The following PARP10 variants were observed in gnomAD, a reference collection of about 807,000 sequenced individuals.
The protein encoded by PARP10 is poly(ADP-ribose) polymerase family member 10, also known as protein mono-ADP-ribosyltransferase PARP10.
A neutral mutation model predicts 82.4 loss-of-function variants in PARP10; 56 were observed. That is an observed-to-expected ratio of 0.68 (90% CI 0.55 to 0.85). The LOEUF is 0.85. Ranked by LOEUF, PARP10 falls within the 40% of genes least tolerant of loss-of-function variation. The pLI, the probability that PARP10 is intolerant of heterozygous loss-of-function variation, is 0.00. For synonymous variants in PARP10, 576 were observed against 601.1 expected, an observed-to-expected ratio of 0.96 and a Z score of 0.61; for missense variants, 1,227 against 1,379.4, an observed-to-expected ratio of 0.89 and a Z score of 1.75.
In PARP10 at chr8:143,983,608, G is replaced by C; in HGVS notation, c.1981C>G (p.His661Asp). The C allele has an allele frequency of 6.2e-7, 1 of 1,604,598 alleles. No individual in the cohort carries two copies. Among genetic ancestry groups the C allele is most frequent in the Non-Finnish European group, 8.5e-7 (1 of 1,175,536 alleles). ...TGACCTTGAGGCTCCAGTGACCGGT[G>C]GAGGGCCAGCTGCAGAGCGGCCTCC... ...EEEAALQLAL[H>D]RSLEPQGQVA... is the part of the protein sequence containing the mutation. The change falls in exon 8 of 11, where the codon CAC (histidine) becomes GAC (aspartate). Residue 661 changes from histidine (H) to aspartate (D), a missense_variant. Coordinates refer to ENST00000313028, the MANE Select transcript of PARP10 (RefSeq NM_032789.5).
intron 1 of PARP10, among the ~76,000 whole-genome samples, chr8:143,998,929 G>A (rs2133074351): frequency 6.7e-6 from 1 of 148,800 alleles, no homozygotes. Context: ...TAGCCTGGGT[G>A]ACAGAGTGAG....
intron 1 of PARP10, among the ~76,000 whole-genome samples, chr8:144,000,088 C>T (rs559380255): frequency 6.6e-6 from 1 of 152,310 alleles, no homozygotes; most frequent in South Asian, 2.1e-4. Flanking sequence ...ATGCTCATCT[C>T]ATAAAACTCC....
At chr8:144,003,932 G>A (rs1300044136) in intron 1 of PARP10, among the ~76,000 whole-genome samples, 3 of 152,122 alleles carry the variant, frequency 2.0e-5, no homozygotes, top group Admixed American at 1.3e-4. Flanking sequence ...CTACTCAGGA[G>A]GCTGAGGCAG....
At chr8:143,999,584 T>C (rs914282654) in intron 1 of PARP10, among the ~76,000 whole-genome samples, 6 of 152,048 alleles carry the variant, frequency 3.9e-5, no homozygotes, top group Admixed American at 3.3e-4. Flanking sequence ...AGTCCTGGCC[T>C]CAAGCAATCC....
At chr8:143,989,121 T>C (rs1554750076), upstream of PARP10, among the ~76,000 whole-genome samples, 1 of 152,180 alleles carries the variant, frequency 6.6e-6, no homozygotes, top group Non-Finnish European at 1.5e-5. This position sits in a 1 kb window ranked among gnomAD's most constrained non-coding sequence, Gnocchi z 4.3. Context: ...CAGCGCACCA[T>C]AGGTGCAGGA....
intron 1 of PARP10, among the ~76,000 whole-genome samples, chr8:144,004,093 G>A (rs542738019): frequency 1.5e-3 from 223 of 152,108 alleles, no homozygotes; most frequent in African/African-American, 4.7e-3. Context: ...CAGGAGGATC[G>A]CTTGAGGCCA....
At chr8:144,001,165 C>T (rs1197410640) in intron 1 of PARP10, among the ~76,000 whole-genome samples, 9 of 151,812 alleles carry the variant, frequency 5.9e-5, no homozygotes, top group Non-Finnish European at 1.0e-4. Flanking sequence ...CTGCCCGCCT[C>T]AGCCTCCCAA....
At chr8:144,000,311 G>GAC (rs149828817) in intron 1 of PARP10, among the ~76,000 whole-genome samples, 5 of 151,986 alleles carry the variant, frequency 3.3e-5, no homozygotes, top group African/African-American at 1.2e-4. Flanking sequence ...TTTGACCACA[G>GAC]ACACACACAC....
chr8:144,001,886 G>A (rs1276082022), intron 1 of PARP10, among the ~76,000 whole-genome samples: 7 of 151,498 alleles, frequency 4.6e-5, no homozygotes, highest in Non-Finnish European at 8.8e-5. Flanking sequence ...GTGTGTGTGT[G>A]TGTGTGTGTG....
upstream of PARP10, chr8:143,992,676 G>A: frequency 1.9e-6 from 3 of 1,613,944 alleles, no homozygotes; most frequent in Non-Finnish European, 2.5e-6. Flanking sequence ...CAACACCACT[G>A]TGCTGTCACC....
chr8:143,980,595 G>A (rs1219687226), intron 9 of PARP10, among the ~76,000 whole-genome samples: 6 of 151,444 alleles, frequency 4.0e-5, no homozygotes, highest in East Asian at 1.9e-4. Context: ...TCACATATAC[G>A]TAAATTTAAA....
chr8:143,983,832 T>C lies in PARP10; in HGVS notation c.1778-21A>G, dbSNP rs372917263. 3.1e-4 allele frequency: 486 copies of C among 1,556,020 alleles called. 2 individuals are homozygous for C. Among genetic ancestry groups the C allele is most frequent in the Non-Finnish European group, 1.4e-4 (161 of 1,150,268 alleles). ...CTCCTCTGGGGGCAGGGAGAGGCCA[T>C]TGGGTCAGGGGCTGGACCCAGGAGG... is the stretch of plus-strand genomic sequence containing the variant. On this transcript the variant is annotated intron_variant, in intron 7 of 10. Transcript: ENST00000313028.
intron 1 of PARP10, among the ~76,000 whole-genome samples, chr8:144,004,629 G>T (rs1174252203): frequency 1.3e-5 from 2 of 152,222 alleles, no homozygotes; most frequent in Admixed American, 6.5e-5. Context: ...TGTTCACAGA[G>T]ATTCCTGATG....
At chr8:143,980,318 T>TAAAAAAATAAAAAA (rs1564247548) in intron 9 of PARP10, among the ~76,000 whole-genome samples, 1 of 15,666 alleles carries the variant, frequency 6.4e-5, no homozygotes, top group African/African-American at 1.4e-4. Flanking sequence ...AGATTCCGTC[T>TAAAAAAATAAAAAA]CAAAAAAAAA....
In PARP10 at chr8:143,984,835, C is replaced by A. The variant is rs782291158; in HGVS notation, c.1167G>T (p.Glu389Asp). ...CCTGCCCCAGCAACCCCTTAGAGGT[C>A]TCCACTGGGCCTGCAGACCCCACAG... ...LGPVGSAGPV[E>D]TSKGLLGQEG... The change falls in exon 5 of 11, where the codon GAG (glutamate) becomes GAT (aspartate). Residue 389 changes from glutamate to aspartate, a missense_variant. Physicochemically the swap from Glu to Asp is conservative, Grantham distance 45. Transcript: ENST00000313028. The A allele has an allele frequency of 1.9e-6, 3 of 1,612,504 alleles. No homozygotes were observed. The highest frequency in any genetic ancestry group is 2.2e-5 in the East Asian group (1 of 44,840).
Position 143,984,920 on chromosome 8 carries a change from C to G in PARP10, c.1082G>C (p.Gly361Ala). Residue 361 changes from glycine to alanine, a missense_variant, in exon 5 of 11, where the codon GGG becomes GCG. Transcript: ENST00000313028. ...SMPMGSLEHE[G>A]LVSLRPVGLQ... ...CCCCACAGGCCTCAGGCTTACCAGC[C>G]CCTCATGTTCCAGAGACCCCATGGG... is the stretch of plus-strand genomic sequence containing the variant. The G allele has an allele frequency of 1.3e-5, 21 of 1,614,040 alleles. No homozygotes were observed. The highest frequency in any genetic ancestry group is 1.8e-5 in the Non-Finnish European group (21 of 1,180,022).
At position 143,983,638 on chromosome 8, in the gene PARP10, C is replaced by CCTA. The variant is rs1554748333; in HGVS notation, c.1950_1951insTAG (p.Leu650_Glu651insTer). Reference sequence around the variant, plus strand: ...GCCAGCTGCAGAGCGGCCTCCTCCTCCAGCCACCTGGGTGCCACAGTGCTG... The same window carrying CCTA: ...GCCAGCTGCAGAGCGGCCTCCTCCTCCTACAGCCACCTGGGTGCCACAGTGCTG... On this transcript the variant is annotated stop_gained and inframe_insertion, in exon 8 of 11. Coordinates refer to ENST00000313028, the MANE Select transcript of PARP10 (RefSeq NM_032789.5). LOFTEE classifies it high-confidence loss of function. The CCTA allele has an allele frequency of 6.2e-7, 1 of 1,606,398 alleles. No individual in the cohort carries two copies. Among genetic ancestry groups the CCTA allele is most frequent in the East Asian group, 2.2e-5 (1 of 44,640 alleles).
In PARP10 at chr8:143,984,218, G is replaced by A. The variant is rs527817411; in HGVS notation, c.1672C>T (p.Leu558Phe). The A allele has an allele frequency of 5.1e-5, 82 of 1,613,380 alleles. No homozygotes were observed. Among genetic ancestry groups the A allele is most frequent in the Non-Finnish European group, 6.9e-5 (81 of 1,179,584 alleles). ...TGGGACTCCATCTCTACCTCTTCAA[G>A]GCCTGTGTCCAACGTGGCTGTGGCC... is the stretch of plus-strand genomic sequence containing the variant. ...RLATATLDTG[L>F]EEVDPTEALP... Residue 558 changes from leucine to phenylalanine, a missense_variant, in exon 6 of 11, where the codon CTT (leucine) becomes TTT (phenylalanine). Leu to Phe is a conservative substitution (Grantham distance 22). Coordinates refer to ENST00000313028, the MANE Select transcript of PARP10 (RefSeq NM_032789.5).
intron 9 of PARP10, among the ~76,000 whole-genome samples, chr8:143,980,524 A>G (rs1243609612): frequency 4.0e-5 from 6 of 149,708 alleles, no homozygotes; most frequent in African/African-American, 1.5e-4. Flanking sequence ...ACTGTCTCAA[A>G]AAAATTATAT....
Sources: gnomAD v4.1 joint callset for allele counts (sites outside exome capture counted in the v4.1 genomes callset) on GRCh38, gnomAD v4.1.1 for gene constraint, Gnocchi (gnomAD v3.1) non-coding constraint, MANE v1.5 for transcripts, NCBI Gene and HGNC (gene_info 2026-07-23, HGNC 2026-07-21) for gene names.